Variants in ADRM1 observed in about 807,000 individuals in gnomAD.
ADRM1 encodes the protein ADRM1 26S proteasome ubiquitin receptor.
In ADRM1, 2 loss-of-function variants were observed where a neutral mutation model predicts 40.1. The ratio of observed to expected loss-of-function variants is 0.05; its 90% confidence interval spans 0.02 to 0.16. The LOEUF (loss-of-function observed/expected upper bound fraction) is 0.16, where lower values mean the gene tolerates loss of function less well. Ranked by LOEUF, ADRM1 falls within the 10% of genes least tolerant of loss-of-function variation. The pLI is 1.00. For synonymous variants in ADRM1, 287 were observed against 240.4 expected (o/e 1.19, Z -1.79); for missense variants, 467 against 552.5 (o/e 0.85, Z 1.55).
At chr20:62,306,174 C>G (rs773149155) in intron 3 of ADRM1, 23 bp from the exon 4 acceptor site, 9 of 1,601,030 alleles carry the variant, frequency 5.6e-6, no homozygotes, top group Non-Finnish European at 7.7e-6. Context: ...AGCTCCTGCC[C>G]TTACATGCCC....
Position 62,308,154 on chromosome 20 carries a change from C to T in ADRM1, c.990C>T (p.Thr330=). The change falls in exon 8 of 10, where the codon ACC becomes ACT. Residue 330 remains threonine (T), a synonymous_variant. Transcript: ENST00000253003. The stretch of plus-strand genomic sequence containing the variant: ...AGACCGCGGATGAGATCCAGAATAC[C>T]CTGACCTCGCCCCAGTTCCAGCAGG... ...LPQTADEIQN[T]LTSPQFQQAL... 2 of 1,606,064 alleles carry T rather than the reference C, an allele frequency of 1.2e-6. No individual in the cohort carries two copies. The highest frequency in any genetic ancestry group is 1.1e-5 in the South Asian group (1 of 90,940).
intron 2 of ADRM1, chr20:62,304,045 C>T (rs1184407432): frequency 1.9e-6 from 1 of 536,254 alleles, no homozygotes; most frequent in South Asian, 2.2e-5. Context: ...CTTGAACTGT[C>T]CGTGTGAGGT....
In ADRM1 at chr20:62,308,710, G is replaced by A. The variant is rs541614695; in HGVS notation, c.1173G>A (p.Glu391=). The part of the protein sequence containing the change: ...MQNNAKPEQK[E]GDTKDKKDEE... ...ACAACGCCAAGCCCGAGCAGAAAGA[G>A]GGCGACACGAAGGACAAGAAGGACG... Residue 391 remains glutamate (E), a synonymous_variant, in exon 10 of 10, where the codon GAG becomes GAA. Coordinates refer to ENST00000253003, the MANE Select transcript of ADRM1 (RefSeq NM_007002.4). The A allele has an allele frequency of 6.2e-7, 1 of 1,613,042 alleles. No individual in the cohort carries two copies. Among genetic ancestry groups the A allele is most frequent in the East Asian group, 2.2e-5 (1 of 44,888 alleles).
rs190249388 is a variant in ADRM1, at chr20:62,304,281, A to G, written c.214-180A>G. 1.7e-4 allele frequency: 99 copies of G among 589,474 alleles called. 2 individuals are homozygous for G. The East Asian group carries it at 2.8e-3, about 17-fold the overall frequency. The allele number at this position is 589,474 out of a possible 1,614,324, so 36.5% of individuals were successfully genotyped here. A position where few individuals can be genotyped will look rare whatever the true frequency, so the allele number is the denominator to read the frequency against. On this transcript the variant is annotated intron_variant, in intron 2 of 9. Transcript: ENST00000253003. ...GCTCTCTCCCCCGGCCTTGCCTTTC[A>G]TGGGCTGTCTCTGACCCTGGCTTCT...
chr20:62,304,225 C>T lies in ADRM1; in HGVS notation c.214-236C>T, dbSNP rs115668702. 2.6e-3 allele frequency: 1,447 copies of T among 547,682 alleles called. 17 individuals are homozygous for T. The highest frequency in any genetic ancestry group is 0.025 in the African/African-American group (1,305 of 52,928). The allele number at this position is 547,682 out of a possible 1,614,324, so 33.9% of individuals were successfully genotyped here. ...TGTTGTTTCCAGCACGTCTCAGAAA[C>T]CCCGTTGCCATCTGAAAGGCCCCTT... On this transcript the variant is annotated intron_variant, in intron 2 of 9. Transcript: ENST00000253003.
intron 5 of ADRM1, 31 bp from the exon 6 acceptor site, chr20:62,307,340 T>G: frequency 6.3e-7 from 1 of 1,590,554 alleles, no homozygotes; most frequent in East Asian, 2.2e-5. Context: ...CTAGAGGGCA[T>G]CCTGAGCTCG....
Position 62,303,631 on chromosome 20 carries a change from G to A in ADRM1, c.63G>A (p.Lys21=), listed in dbSNP as rs1330629812. The change falls in exon 2 of 10, where the codon AAG becomes AAA. Residue 21 remains lysine (K), a synonymous_variant. Transcript: ENST00000253003. ...LVPGSRGASN[K]YLVEFRAGKM... ...CAGGCTCTCGGGGCGCCTCCAACAA[G>A]TACTTGGTGGAGTTTCGGGCGGGAA... The A allele has an allele frequency of 2.5e-6, 4 of 1,610,938 alleles. No homozygotes were observed. Among genetic ancestry groups the A allele is most frequent in the East Asian group, 2.2e-5 (1 of 44,846 alleles).
intron 8 of ADRM1, 38 bp from the exon 9 acceptor site, chr20:62,308,330 C>G: frequency 6.4e-7 from 1 of 1,564,650 alleles, no homozygotes; most frequent in Non-Finnish European, 8.7e-7. Context: ...GGGTGCAGCC[C>G]GGGTTGGAGC....
rs1188659073 is a variant in ADRM1 at position 62,306,510 on chromosome 20, C to G, written c.455-138C>G. On this transcript the variant is annotated intron_variant, in intron 4 of 9. Transcript: ENST00000253003. ...GGGGTAGGACGGGTCTGCATCCCAC[C>G]GTCGCCTCACTTCAAGTGGTGCCCC... 3.2e-6 allele frequency: 4 copies of G among 1,268,530 alleles called. No homozygotes were observed. In the East Asian group the frequency reaches 1.0e-4, roughly 32 times the overall value. 78.6% of individuals were successfully genotyped at this position (1,268,530 alleles called of 1,614,324 possible).
rs372636194 is a variant in ADRM1, at chr20:62,306,295, C to T, written c.429C>T (p.Ser143=). ...MPGALGASGS[S]GHELSALGGE... ...GGGCGCTGGGGGCCAGCGGAAGCAG[C>T]GGCCACGAACTCTCTGCGCTAGGCG... Residue 143 remains serine, a synonymous_variant, in exon 4 of 10, where the codon AGC becomes AGT. Coordinates refer to ENST00000253003, the MANE Select transcript of ADRM1 (RefSeq NM_007002.4). 25 of 1,612,716 alleles carry T rather than the reference C, an allele frequency of 1.6e-5. No individual in the cohort carries two copies. The highest frequency in any genetic ancestry group is 1.1e-4 in the East Asian group (5 of 44,894).
In ADRM1 at chr20:62,306,211, C is replaced by T. The variant is rs202092326; in HGVS notation, c.345C>T (p.Asp115=). The T allele has an allele frequency of 6.2e-7, 1 of 1,612,848 alleles. No individual in the cohort carries two copies. The highest frequency in any genetic ancestry group is 1.3e-5 in the African/African-American group (1 of 74,914). Residue 115 remains aspartate, a synonymous_variant, in exon 4 of 10, where the codon GAC becomes GAT. Coordinates refer to ENST00000253003, the MANE Select transcript of ADRM1 (RefSeq NM_007002.4). ...TCCTCTTGCAGGAACCCAAGACAGACCAGGATGAGGAGCATTGCCGGAAAG... is the reference window on the plus strand; with the variant it reads ...TCCTCTTGCAGGAACCCAAGACAGATCAGGATGAGGAGCATTGCCGGAAAG... ...LFFWMQEPKT[D]QDEEHCRKVN...
chr20:62,303,400 G>A (rs960596337), intron 1 of ADRM1, 168 bp from the exon 2 acceptor site: 3 of 650,346 alleles, frequency 4.6e-6, no homozygotes, highest in Middle Eastern at 4.3e-4. Context: ...CGGGCGGTGC[G>A]ATCGTCGTGA....
chr20:62,308,467 G>T lies in ADRM1; in HGVS notation c.1114G>T (p.Gly372Cys). 1 of 1,600,578 alleles carries T rather than the reference G, an allele frequency of 6.2e-7. No individual in the cohort carries two copies. The highest frequency in any genetic ancestry group is 2.2e-5 in the East Asian group (1 of 44,470). Residue 372 changes from glycine (G) to cysteine (C), a missense_variant, in exon 9 of 10, where the codon GGC (glycine) becomes TGC (cysteine). Gly to Cys is a radical substitution (Grantham distance 159, BLOSUM62 -3). Transcript: ENST00000253003. ...AGAGGCTGTGGAGGCCGCCAACAAGGGCGGTAAGTGGCTGCGCCTGCACCT... is the reference window on the plus strand; with the variant it reads ...AGAGGCTGTGGAGGCCGCCAACAAGTGCGGTAAGTGGCTGCGCCTGCACCT... ...PAEAVEAANK[G>C]DVEAFAKAMQ...
chr20:62,304,155 A>C, intron 2 of ADRM1: 1 of 475,950 alleles, frequency 2.1e-6, no homozygotes, highest in African/African-American at 1.9e-5. Flanking sequence ...GTTCTTTGTT[A>C]CATTTGAGAG....
At position 62,304,497 on chromosome 20, in the gene ADRM1, C is replaced by T. The variant is rs1431472743; in HGVS notation, c.250C>T (p.Arg84Trp). ...CTTCCCTGACGACTGTGAGTTCAAG[C>T]GGGTGCCGCAGTGCCCCAGCGGGAG... ...IIFPDDCEFK[R>W]VPQCPSGRVY... Residue 84 changes from arginine (R) to tryptophan (W), a missense_variant, in exon 3 of 10, where the codon CGG becomes TGG. This residue lies in a region of ADRM1 where 418 missense variants were observed against 474.6 expected (regional missense o/e 0.88). Coordinates refer to ENST00000253003, the MANE Select transcript of ADRM1 (RefSeq NM_007002.4). 19 of 1,613,880 alleles carry T rather than the reference C, an allele frequency of 1.2e-5. No individual in the cohort carries two copies. The highest frequency in any genetic ancestry group is 1.5e-5 in the Non-Finnish European group (18 of 1,179,914).
At chr20:62,304,633 A>G in intron 3 of ADRM1, 56 bp downstream of exon 3, 1 of 1,548,416 alleles carries the variant, frequency 6.5e-7, no homozygotes, top group Non-Finnish European at 8.9e-7. Flanking sequence ...TCGGTTAGGA[A>G]CTTGCTTACA....
chr20:62,304,313 T>G (rs906273299), intron 2 of ADRM1, 148 bp from the exon 3 acceptor site: 2 of 640,908 alleles, frequency 3.1e-6, no homozygotes, highest in Non-Finnish European at 5.6e-6. Context: ...TTCTCTGCCT[T>G]GTGGAGACCC....
In ADRM1 at chr20:62,304,446, C is replaced by T; in HGVS notation, c.214-15C>T. ...CCATCTGCGCCACTGACTCTCTCTT[C>T]CCCTGGCTTGCCAGGACTTGATCAT... On this transcript the variant is annotated splice_polypyrimidine_tract_variant and intron_variant, in intron 2 of 9. Coordinates refer to ENST00000253003, the MANE Select transcript of ADRM1 (RefSeq NM_007002.4). 6 of 1,605,528 alleles carry T rather than the reference C, an allele frequency of 3.7e-6. No individual in the cohort carries two copies. In the South Asian group the frequency reaches 4.4e-5, roughly 12 times the overall value.
rs764807664 is a variant in ADRM1 at position 62,306,710 on chromosome 20, G to A, written c.517G>A (p.Gly173Arg). 1.9e-6 allele frequency: 3 copies of A among 1,609,066 alleles called. No homozygotes were observed. Among genetic ancestry groups the A allele is most frequent in the Admixed American group, 1.7e-5 (1 of 59,620 alleles). Reference sequence around the variant, plus strand: ...CCACAGCCAGCTCATGCAGCTCATCGGACCAGCCGGCCTTGGAGGACTGGG... The same window carrying A: ...CCACAGCCAGCTCATGCAGCTCATCAGACCAGCCGGCCTTGGAGGACTGGG... ...MSHSQLMQLIGPAGLGGLGGL... is the reference protein window; with the variant it reads ...MSHSQLMQLIRPAGLGGLGGL... The change falls in exon 5 of 10, where the codon GGA becomes AGA. Residue 173 changes from glycine (G) to arginine (R), a missense_variant. Transcript: ENST00000253003.
Sources: gnomAD v4.1 joint callset for allele counts on GRCh38, gnomAD v4.1.1 for gene constraint, gnomAD v4.1.1 regional missense constraint, MANE v1.5 for transcripts, NCBI Gene and HGNC (gene_info 2026-07-23, HGNC 2026-07-21) for gene names.